The following STARD13 variants were observed in gnomAD, a reference collection of about 807,000 sequenced individuals.
STARD13 encodes the protein StAR related lipid transfer domain containing 13, also known as stAR-related lipid transfer protein 13.
A neutral mutation model predicts 106.4 loss-of-function variants in STARD13; 62 were observed. That is an observed-to-expected ratio of 0.58 (90% CI 0.48 to 0.72). STARD13 has a LOEUF of 0.72. STARD13 is among the 30% of genes least tolerant of loss of function. STARD13 has a pLI of 0.00. For missense variants in STARD13, 1,387 were observed against 1,424.0 expected, an observed-to-expected ratio of 0.97 and a Z score of 0.42; for synonymous variants, 565 against 553.0, an observed-to-expected ratio of 1.02 and a Z score of -0.31.
At chr13:33,211,939 A>G (rs1245814976) in intron 1 of STARD13, among the ~76,000 whole-genome samples, 1 of 152,226 alleles carries the variant, frequency 6.6e-6, no homozygotes, top group Non-Finnish European at 1.5e-5. Flanking sequence ...TTATACACCC[A>G]TAAGAATTGC....
intron 1 of STARD13, among the ~76,000 whole-genome samples, chr13:33,293,412 G>T (rs944934072): frequency 1.3e-5 from 2 of 152,162 alleles, no homozygotes; most frequent in Non-Finnish European, 2.9e-5. Flanking sequence ...GATGTCTAGA[G>T]GAATAGATGC....
the STARD13 span, among the ~76,000 whole-genome samples, chr13:33,403,337 G>A: frequency 6.6e-6 from 1 of 152,222 alleles, no homozygotes; most frequent in African/African-American, 2.4e-5. Context: ...AATAATGACA[G>A]AGTTTGTTTG....
chr13:33,286,515 G>A (rs2138419184), upstream of STARD13, among the ~76,000 whole-genome samples: 1 of 152,326 alleles, frequency 6.6e-6, no homozygotes, highest in South Asian at 2.1e-4. Flanking sequence ...CACTGCAGAA[G>A]TTGCAAAGGT....
intron 1 of STARD13, among the ~76,000 whole-genome samples, chr13:33,318,918 A>G (rs1328193962): frequency 6.6e-6 from 1 of 152,204 alleles, no homozygotes; most frequent in Non-Finnish European, 1.5e-5. Context: ...AGTGTTGATT[A>G]GGAGTAGAGA....
intron 1 of STARD13, among the ~76,000 whole-genome samples, chr13:33,227,417 C>G (rs1297907654): frequency 6.6e-6 from 1 of 152,136 alleles, no homozygotes; most frequent in African/African-American, 2.4e-5. Context: ...TAAGTTAAAT[C>G]TAAAAGGAGG....
chr13:33,135,474 T>C (rs993314728), intron 4 of STARD13, among the ~76,000 whole-genome samples: 3 of 152,188 alleles, frequency 2.0e-5, no homozygotes, highest in Middle Eastern at 3.2e-3. Flanking sequence ...CAAGGTTAGT[T>C]TGCTTACCAT....
At chr13:33,286,512 G>A (rs146201672), upstream of STARD13, among the ~76,000 whole-genome samples, 368 of 152,312 alleles carry the variant, frequency 2.4e-3, 3 homozygotes, top group Non-Finnish European at 4.0e-3. Context: ...AATCACTGCA[G>A]AAGTTGCAAA....
At chr13:33,294,225 G>A (rs1892403981) in intron 1 of STARD13, among the ~76,000 whole-genome samples, 1 of 152,202 alleles carries the variant, frequency 6.6e-6, no homozygotes, top group South Asian at 2.1e-4. Context: ...CAGTACAGCG[G>A]CACTGAGCCA....
the STARD13 span, among the ~76,000 whole-genome samples, chr13:33,596,300 T>A: frequency 6.6e-6 from 1 of 152,202 alleles, no homozygotes; most frequent in African/African-American, 2.4e-5. Context: ...TTTATCCTTA[T>A]AAAAAGTATT....
At chr13:33,432,451 G>A in the STARD13 span, among the ~76,000 whole-genome samples, 1 of 152,218 alleles carries the variant, frequency 6.6e-6, no homozygotes, top group East Asian at 1.9e-4. Flanking sequence ...CAATTGCACG[G>A]TTGCCTGGGG....
chr13:33,547,059 C>T, the STARD13 span, among the ~76,000 whole-genome samples: 1 of 152,106 alleles, frequency 6.6e-6, no homozygotes, highest in African/African-American at 2.4e-5. Flanking sequence ...TATAATAGTA[C>T]ATTTATAAGG....
intron 4 of STARD13, 94 bp downstream of exon 4, chr13:33,142,216 T>G: frequency 1.1e-6 from 1 of 941,656 alleles, no homozygotes. Context: ...TATTTTTTTG[T>G]AGACACAAGG....
At chr13:33,352,045 G>A (rs1302817887), upstream of STARD13, among the ~76,000 whole-genome samples, 1 of 152,144 alleles carries the variant, frequency 6.6e-6, no homozygotes, top group Non-Finnish European at 1.5e-5. Context: ...ACATACCTCA[G>A]AATGAGCTAG....
intron 7 of STARD13, among the ~76,000 whole-genome samples, chr13:33,121,398 C>T (rs1345729125): frequency 6.6e-6 from 1 of 151,892 alleles, no homozygotes. Context: ...AAAACCTCGT[C>T]TCTACTAAAA....
At chr13:33,140,219 A>G (rs1275623640) in intron 4 of STARD13, among the ~76,000 whole-genome samples, 1 of 152,218 alleles carries the variant, frequency 6.6e-6, no homozygotes, top group Admixed American at 6.5e-5. Context: ...CACTGTGTGG[A>G]AACAACTCAT....
intron 1 of STARD13, among the ~76,000 whole-genome samples, chr13:33,314,160 C>A (rs1347283148): frequency 2.6e-5 from 4 of 152,054 alleles, no homozygotes; most frequent in Non-Finnish European, 2.9e-5. Flanking sequence ...TGGAGAGAGA[C>A]CCCTCTCCAA....
chr13:33,484,494 C>G, the STARD13 span, among the ~76,000 whole-genome samples: 1 of 152,130 alleles, frequency 6.6e-6, no homozygotes, highest in Non-Finnish European at 1.5e-5. Context: ...CTCAACTGGT[C>G]CTGTAGCCCC....
chr13:33,617,764 G>T, the STARD13 span, among the ~76,000 whole-genome samples: 1 of 152,268 alleles, frequency 6.6e-6, no homozygotes, highest in South Asian at 2.1e-4. Flanking sequence ...ACTGGTATAG[G>T]GGCTGGGCTT....
chr13:33,424,376 T>C, the STARD13 span, among the ~76,000 whole-genome samples: 1 of 152,170 alleles, frequency 6.6e-6, no homozygotes, highest in Non-Finnish European at 1.5e-5. Flanking sequence ...GATTGTGAGA[T>C]GAAGACCTTA....
Sources: gnomAD v4.1 joint callset for allele counts (sites outside exome capture counted in the v4.1 genomes callset) on GRCh38, gnomAD v4.1.1 for gene constraint, MANE v1.5 for transcripts, NCBI Gene and HGNC (gene_info 2026-07-23, HGNC 2026-07-21) for gene names.